BRD9: variants seen among roughly 807,000 people sequenced by gnomAD.
The protein encoded by BRD9 is bromodomain containing 9.
Under a neutral mutation model 68.7 loss-of-function variants are expected in BRD9, and 47 were observed. The observed-to-expected ratio is 0.68, with a 90% CI of 0.54 to 0.87. BRD9 has a LOEUF of 0.87. Among genes scored for constraint, BRD9 ranks in the 40% least tolerant of loss-of-function variants. BRD9 has a pLI of 0.00. For missense variants in BRD9, 670 were observed against 748.4 expected, an observed-to-expected ratio of 0.90 and a Z score of 1.22; for synonymous variants, 313 against 293.9, an observed-to-expected ratio of 1.06 and a Z score of -0.67.
rs376325370 is a variant in BRD9 at position 881,119 on chromosome 5, G to A, written c.1030C>T (p.Pro344Ser). 1.9e-6 allele frequency: 3 copies of A among 1,613,928 alleles called. No homozygotes were observed. The highest frequency in any genetic ancestry group is 2.7e-5 in the African/African-American group (2 of 74,946). Residue 344 changes from proline to serine, a missense_variant, in exon 9 of 16, where the codon CCG becomes TCG. Coordinates refer to ENST00000467963, the MANE Select transcript of BRD9 (RefSeq NM_023924.5). Reference protein sequence around the residue: ...LLYSVVNTAEPDADEEETHPV... With the variant: ...LLYSVVNTAESDADEEETHPV... ...AGCGGGCACCCACCATCAGCGTCCG[G>A]CTCGGCCGTGTTGACCACGCTGTAG... is the stretch of plus-strand genomic sequence containing the variant.
intron 8 of BRD9, chr5:883,296 T>A: frequency 2.2e-6 from 1 of 456,368 alleles, no homozygotes; most frequent in South Asian, 1.6e-5. Flanking sequence ...GACTACATGT[T>A]GAGATAAAAT....
intron 11 of BRD9, among the ~76,000 whole-genome samples, chr5:878,138 C>G (rs990903142): frequency 6.6e-6 from 1 of 152,208 alleles, no homozygotes; most frequent in African/African-American, 2.4e-5. Flanking sequence ...CAAGCTACGC[C>G]CTGATCACCA....
chr5:881,300 C>A, intron 8 of BRD9, 118 bp from the exon 9 acceptor site: 1 of 925,638 alleles, frequency 1.1e-6, no homozygotes, highest in Non-Finnish European at 1.7e-6. Flanking sequence ...CAAGAACAAA[C>A]GCCAGAGGGC....
chr5:878,542 G>A, intron 10 of BRD9, 55 bp from the exon 11 acceptor site: 1 of 1,608,720 alleles, frequency 6.2e-7, no homozygotes, highest in Non-Finnish European at 8.5e-7. Context: ...TCGGTGTGCA[G>A]GCCCCACCCC....
In BRD9 at chr5:886,638, C is replaced by A. The variant is rs747227129; in HGVS notation, c.787G>T (p.Val263Leu). ...TTTTTGGATTTCTTGGCAGTTTCTA[C>A]TTGTACTGGTACAACTTCAGGGACA... is the stretch of plus-strand genomic sequence containing the variant. ...EPVPEVVPVQ[V>L]ETAKKSKKPS... The change falls in exon 7 of 16, where the codon GTA becomes TTA. Residue 263 changes from valine to leucine, a missense_variant. Transcript: ENST00000467963. 1.2e-5 allele frequency: 19 copies of A among 1,614,142 alleles called. No individual in the cohort carries two copies. The highest frequency in any genetic ancestry group is 1.6e-5 in the Non-Finnish European group (19 of 1,179,996).
At chr5:886,934 GCGCGGCAGGTGC>G (rs1752659117) in intron 6 of BRD9, 1 of 678,922 alleles carries the variant, frequency 1.5e-6, no homozygotes, top group Non-Finnish European at 2.4e-6. Context: ...CACCGCCAGA[GCGCGGCAGGTGC>G]CGCACCTCCC....
At position 892,763 on chromosome 5, in the gene BRD9, G is replaced by A. The variant is rs1185727947; in HGVS notation, c.-106C>T. 8.7e-7 allele frequency: 1 copy of A among 1,150,086 alleles called. No individual in the cohort carries two copies. Among genetic ancestry groups the A allele is most frequent in the East Asian group, 3.5e-5 (1 of 28,836 alleles). 71.2% of individuals were successfully genotyped at this position (1,150,086 alleles called of 1,614,324 possible). On this transcript the variant is annotated 5_prime_UTR_variant, in exon 1 of 16. Transcript: ENST00000467963. ...CCCTGGCTGGCCGCCCGCGCTCGCT[G>A]CGCCGAGGTTGCCGAGCTCGCTGGG...
intron 8 of BRD9, chr5:881,608 A>C: frequency 4.1e-6 from 1 of 244,050 alleles, no homozygotes; most frequent in Non-Finnish European, 8.0e-6. Context: ...GGCCATCAGG[A>C]GGATCCAGGA....
intron 15 of BRD9, among the ~76,000 whole-genome samples, chr5:865,192 C>T (rs948129315): frequency 3.3e-5 from 5 of 152,254 alleles, no homozygotes; most frequent in Non-Finnish European, 5.9e-5. Context: ...GGCAGAAAGC[C>T]TGTAACCCAG....
chr5:867,061 GTGAAGCACTGGGACATGTGCCA>G (rs1298249471), intron 14 of BRD9, among the ~76,000 whole-genome samples: 7 of 152,170 alleles, frequency 4.6e-5, no homozygotes, highest in African/African-American at 1.7e-4. Context: ...CCACTACTCT[GTGAAGCACTGGGACATGTGCCA>G]TGGTGCTCTG....
At chr5:892,474 C>G (rs1402578806) in intron 1 of BRD9, 132 bp downstream of exon 1, 1 of 1,437,388 alleles carries the variant, frequency 7.0e-7, no homozygotes, top group Admixed American at 2.6e-5. Context: ...GGACCCCCTC[C>G]CGCGTGCCCA....
chr5:872,380 C>A (rs1201661801), intron 12 of BRD9, among the ~76,000 whole-genome samples: 2 of 152,210 alleles, frequency 1.3e-5, no homozygotes, highest in Non-Finnish European at 2.9e-5. Flanking sequence ...TCACTCAACT[C>A]CATATCCAAG....
chr5:872,699 C>T (rs1386077584), intron 12 of BRD9, among the ~76,000 whole-genome samples: 1 of 152,182 alleles, frequency 6.6e-6, no homozygotes, highest in African/African-American at 2.4e-5. Context: ...CCTGCGAGCC[C>T]TCCAAGCATG....
intron 2 of BRD9, 68 bp from the exon 3 acceptor site, chr5:891,355 C>T: frequency 2.0e-6 from 3 of 1,513,834 alleles, no homozygotes; most frequent in Non-Finnish European, 2.7e-6. Context: ...CTGCCCAATC[C>T]CCTCGCAGTT....
chr5:874,190 C>T (rs768445824), intron 12 of BRD9, among the ~76,000 whole-genome samples: 3 of 152,220 alleles, frequency 2.0e-5, no homozygotes, highest in Non-Finnish European at 4.4e-5. Flanking sequence ...CTCGACCTCC[C>T]GGCCTCAAGT....
chr5:876,220 G>T lies in BRD9; in HGVS notation c.1272-8C>A. 6.2e-7 allele frequency: 1 copy of T among 1,609,016 alleles called. No individual in the cohort carries two copies. The highest frequency in any genetic ancestry group is 1.7e-4 in the Middle Eastern group (1 of 6,046). On this transcript the variant is annotated splice_polypyrimidine_tract_variant and splice_region_variant and intron_variant, in intron 11 of 15. Coordinates refer to ENST00000467963, the MANE Select transcript of BRD9 (RefSeq NM_023924.5). Reference sequence around the variant, plus strand: ...TTCACAAACTCCTGCAGGCTAGAGGGGCCGCGGGAGAAGGTACGCTGAAAG... The same window carrying T: ...TTCACAAACTCCTGCAGGCTAGAGGTGCCGCGGGAGAAGGTACGCTGAAAG...
intron 5 of BRD9, among the ~76,000 whole-genome samples, 178 bp from the exon 6 acceptor site, chr5:887,649 C>T (rs910885907): frequency 5.9e-5 from 9 of 152,226 alleles, no homozygotes; most frequent in Non-Finnish European, 1.3e-4. Context: ...CTTAGTTGCA[C>T]ATTGGTCTTG....
At chr5:890,237 A>T (rs995953537) in intron 3 of BRD9, among the ~76,000 whole-genome samples, 1 of 152,098 alleles carries the variant, frequency 6.6e-6, no homozygotes, top group Non-Finnish European at 1.5e-5. Context: ...CCAAATGACC[A>T]CAGGAGCTCA....
chr5:891,944 C>T, intron 1 of BRD9, 90 bp from the exon 2 acceptor site: 1 of 1,517,108 alleles, frequency 6.6e-7, no homozygotes, highest in South Asian at 1.3e-5. Context: ...GAGGGAAAGG[C>T]CTCCCTAAGG....
Sources: gnomAD v4.1 joint callset for allele counts (sites outside exome capture counted in the v4.1 genomes callset) on GRCh38, gnomAD v4.1.1 for gene constraint, MANE v1.5 for transcripts, NCBI Gene and HGNC (gene_info 2026-07-23, HGNC 2026-07-21) for gene names.